The following FGF12 variants were observed in gnomAD, a reference collection of about 807,000 sequenced individuals.
FGF12 encodes the protein fibroblast growth factor 12B.
A neutral mutation model predicts 23.6 loss-of-function variants in FGF12; 14 were observed. The ratio of observed to expected loss-of-function variants is 0.59; its 90% confidence interval spans 0.39 to 0.93. The LOEUF (loss-of-function observed/expected upper bound fraction) is 0.93. Among genes scored for constraint, FGF12 ranks in the 40% least tolerant of loss-of-function variants. FGF12 has a pLI of 0.00. For missense variants in FGF12, 175 were observed against 217.8 expected, an observed-to-expected ratio of 0.80 and a Z score of 1.24; for synonymous variants, 62 against 77.3, an observed-to-expected ratio of 0.80 and a Z score of 1.04.
chr3:192,579,840 G>C (rs548715997), intron 2 of FGF12, among the ~76,000 whole-genome samples: 5 of 152,306 alleles, frequency 3.3e-5, no homozygotes, highest in African/African-American at 1.2e-4. Context: ...CAAATGCTCA[G>C]ATTACAGGTG....
chr3:192,345,632 AGCCGAGATCGC>A, intron 3 of FGF12, among the ~76,000 whole-genome samples: 1 of 42,812 alleles, frequency 2.3e-5, no homozygotes. Flanking sequence ...GCTTGCAGTG[AGCCGAGATCGC>A]GCCACTGCAC....
chr3:192,717,719 A>G (rs1718907613), intron 2 of FGF12, among the ~76,000 whole-genome samples: 1 of 152,208 alleles, frequency 6.6e-6, no homozygotes, highest in Non-Finnish European at 1.5e-5. Flanking sequence ...ACAATCTACT[A>G]TTTGCCAATG....
intron 2 of FGF12, among the ~76,000 whole-genome samples, chr3:192,659,623 C>T (rs1716577452): frequency 6.6e-6 from 1 of 152,060 alleles, no homozygotes; most frequent in South Asian, 2.1e-4. Context: ...AGTGGATTAC[C>T]CTTATAGAAA....
chr3:192,458,536 C>T (rs546774972), intron 2 of FGF12, among the ~76,000 whole-genome samples: 144 of 152,246 alleles, frequency 9.5e-4, no homozygotes, highest in African/African-American at 3.1e-3. Context: ...TTGAATGGAG[C>T]CTGTAACCCC....
At chr3:192,543,065 A>G (rs1451031516) in intron 2 of FGF12, among the ~76,000 whole-genome samples, 1 of 151,864 alleles carries the variant, frequency 6.6e-6, no homozygotes, top group Non-Finnish European at 1.5e-5. Flanking sequence ...TGACAAAGCC[A>G]CTCTGGCTTT....
intron 4 of FGF12, among the ~76,000 whole-genome samples, chr3:192,257,430 C>T (rs2108613648): frequency 6.6e-6 from 1 of 152,236 alleles, no homozygotes; most frequent in South Asian, 2.1e-4. Flanking sequence ...ATCAGTTGCA[C>T]ACATATTGCT....
In FGF12 at chr3:192,188,360, A is replaced by G. The variant is rs181304148; in HGVS notation, c.229-17704T>C. Among the ~76,000 whole-genome samples, 188 of 152,108 alleles carry G rather than the reference A, an allele frequency of 1.2e-3. 1 individual carries two copies. The highest frequency in any genetic ancestry group is 4.8e-3 in the Admixed American group (73 of 15,290). On this transcript the variant is annotated intron_variant, in intron 4 of 5. Transcript: ENST00000445105. ...ACTACGCACGTGTTTTTGTGTTTCC[A>G]TTTTCAGGTTGCTTTCCTGAGGTGG...
chr3:192,193,019 G>A (rs1716879204), intron 4 of FGF12, among the ~76,000 whole-genome samples: 1 of 152,116 alleles, frequency 6.6e-6, no homozygotes, highest in Admixed American at 6.5e-5. Flanking sequence ...TTTTTGGGAG[G>A]TAGGAAGAAC....
chr3:192,273,430 T>C (rs1306674644), intron 4 of FGF12, among the ~76,000 whole-genome samples: 1 of 152,124 alleles, frequency 6.6e-6, no homozygotes, highest in Non-Finnish European at 1.5e-5. Flanking sequence ...AGCTGGGTTA[T>C]GGGCACAGAC....
intron 2 of FGF12, among the ~76,000 whole-genome samples, chr3:192,376,950 T>C (rs1437350114): frequency 6.6e-6 from 1 of 152,184 alleles, no homozygotes; most frequent in East Asian, 1.9e-4. Flanking sequence ...TGGAAAGCTT[T>C]TGTATTGGCC....
Position 192,328,698 on chromosome 3 carries a change from C to T in FGF12, c.228+6663G>A, listed in dbSNP as rs557815285. ...GAGGCCATAAACTTGCAGTTGGTGC[C>T]AGAAGTGAGGGTGGTCTTGAGGACT... On this transcript the variant is annotated intron_variant, in intron 4 of 5. Transcript: ENST00000445105. Among the ~76,000 whole-genome samples the T allele has an allele frequency of 5.9e-5, 9 of 152,244 alleles. No homozygotes were observed. The South Asian group carries it at 8.3e-4, about 14-fold the overall frequency.
chr3:192,557,136 T>A lies in FGF12; in HGVS notation c.13+170045A>T, dbSNP rs771211370. Among the ~76,000 whole-genome samples, 72 of 151,352 alleles carry A rather than the reference T, an allele frequency of 4.8e-4. 2 individuals are homozygous for A. Among genetic ancestry groups the A allele is most frequent in the Non-Finnish European group, 1.3e-4 (9 of 67,740 alleles). On this transcript the variant is annotated intron_variant, in intron 2 of 5. Coordinates refer to ENST00000445105, the MANE Select transcript of FGF12 (RefSeq NM_004113.6). Reference sequence around the variant, plus strand: ...CAAATAAAAACCTTAATGGTATACCTGAAATAACTAGAAAAAGAAGAACAA... The same window carrying A: ...CAAATAAAAACCTTAATGGTATACCAGAAATAACTAGAAAAAGAAGAACAA...
chr3:192,575,218 C>T (rs975239079), intron 2 of FGF12, among the ~76,000 whole-genome samples: 3 of 152,158 alleles, frequency 2.0e-5, no homozygotes, highest in East Asian at 1.9e-4. Context: ...AGTTCAAACA[C>T]GTACAATGAA....
At chr3:192,706,804 T>G (rs1269912179) in intron 2 of FGF12, among the ~76,000 whole-genome samples, 4 of 152,164 alleles carry the variant, frequency 2.6e-5, no homozygotes, top group Admixed American at 6.6e-5. Context: ...CCACAGCAAT[T>G]TTTGTTACAG....
At chr3:192,585,576 G>A (rs7651911) in intron 2 of FGF12, among the ~76,000 whole-genome samples, 22,272 of 152,008 alleles carry the variant, frequency 0.15, 2,323 homozygotes, top group East Asian at 0.45. Context: ...GACCCAAGGA[G>A]GTTGGGCCTG....
intron 3 of FGF12, among the ~76,000 whole-genome samples, chr3:192,338,910 A>G (rs1717551761): frequency 6.6e-6 from 1 of 152,214 alleles, no homozygotes; most frequent in Non-Finnish European, 1.5e-5. Context: ...TTACTGTGAG[A>G]AGGAGAAAAG....
rs773214432 is a variant in FGF12 at position 192,408,079 on chromosome 3, A to T, written c.14-47541T>A. On this transcript the variant is annotated intron_variant, in intron 2 of 5. Coordinates refer to ENST00000445105, the MANE Select transcript of FGF12 (RefSeq NM_004113.6). The surrounding 1 kb of genome is among the most constrained non-coding windows in gnomAD (Gnocchi z 7.3). ...CCGCTGCAGAAGCGCACTTTGCTGA[A>T]CACCCCGAGGACGTGCCTCTCGCAC... 1 of 1,613,068 alleles carries T rather than the reference A, an allele frequency of 6.2e-7. No individual in the cohort carries two copies. The highest frequency in any genetic ancestry group is 8.5e-7 in the Non-Finnish European group (1 of 1,179,976).
chr3:192,548,422 T>C (rs1343443021), intron 2 of FGF12, among the ~76,000 whole-genome samples: 1 of 152,162 alleles, frequency 6.6e-6, no homozygotes, highest in Non-Finnish European at 1.5e-5. Context: ...AACTGAGGCA[T>C]AGGGAAATGA....
intron 2 of FGF12, among the ~76,000 whole-genome samples, chr3:192,390,648 A>T (rs1720250734): frequency 6.6e-6 from 1 of 152,200 alleles, no homozygotes; most frequent in South Asian, 2.1e-4. Flanking sequence ...ATGCTAATTC[A>T]TCTTACTGTC....
Sources: allele counts gnomAD v4.1 joint callset (sites outside exome capture counted in the v4.1 genomes callset), GRCh38; gene constraint gnomAD v4.1.1; non-coding constraint Gnocchi (gnomAD v3.1); transcripts MANE v1.5; gene names NCBI Gene and HGNC (gene_info 2026-07-23, HGNC 2026-07-21).